The following FER1L6 variants were observed in gnomAD, a reference collection of about 807,000 sequenced individuals.
The protein encoded by FER1L6 is fer-1 like family member 6, also known as fer-1-like protein 6.
In FER1L6, 177 loss-of-function variants were observed where a neutral mutation model predicts 219.2. The ratio of observed to expected loss-of-function variants is 0.81; its 90% CI spans 0.71 to 0.91. The LOEUF (loss-of-function observed/expected upper bound fraction) is 0.91. Ranked by LOEUF, FER1L6 falls within the 40% of genes least tolerant of loss-of-function variation. The probability of loss-of-function intolerance (pLI) is 0.00; values close to 1 mark genes in which losing one functional copy is unlikely to be tolerated. For missense variants in FER1L6, 2,153 were observed against 2,259.9 expected, an observed-to-expected ratio of 0.95 and a Z score of 0.96; for synonymous variants, 768 against 824.3, an observed-to-expected ratio of 0.93 and a Z score of 1.17.
intron 21 of FER1L6, 111 bp from the exon 22 acceptor site, chr8:124,049,496 G>A (rs967899371): frequency 8.1e-7 from 1 of 1,238,156 alleles, no homozygotes; most frequent in South Asian, 1.4e-5. Context: ...AGTGAGACAT[G>A]GAAGCTGATG....
rs755625470 is a variant in FER1L6 at position 123,980,701 on chromosome 8, T to A, written c.1300T>A (p.Ser434Thr). ...LPSKDKDSKS[S>T]KGKDKADKTE... ...TTCCAAGGACAAAGACTCCAAATCT[T>A]CCAAAGGTAAAGACAAGGCTGACAA... The change falls in exon 11 of 41, where the codon TCC becomes ACC. Residue 434 changes from serine to threonine, a missense_variant. Transcript: ENST00000522917. 1 of 1,614,050 alleles carries A rather than the reference T, an allele frequency of 6.2e-7. No homozygotes were observed. Among genetic ancestry groups the A allele is most frequent in the Non-Finnish European group, 8.5e-7 (1 of 1,180,000 alleles).
intron 1 of FER1L6, among the ~76,000 whole-genome samples, chr8:123,943,405 G>A (rs1462616830): frequency 2.0e-5 from 3 of 152,106 alleles, no homozygotes; most frequent in African/African-American, 2.4e-5. Context: ...GAGCTTCTGT[G>A]TTTGCTGATC....
rs531587747 is a variant in FER1L6 at position 124,082,518 on chromosome 8, T to G, written c.4391+60T>G. The stretch of plus-strand genomic sequence containing the variant: ...CTGAAGCTGTTGTAGCCTTTAGGGC[T>G]CCAGACTCTGCATCCCAGTTGTCCA... On this transcript the variant is annotated intron_variant, in intron 33 of 40. Coordinates refer to ENST00000522917, the MANE Select transcript of FER1L6 (RefSeq NM_001039112.2). 8 of 1,490,208 alleles carry G rather than the reference T, an allele frequency of 5.4e-6. No homozygotes were observed. The African/African-American group carries it at 8.3e-5, about 15-fold the overall frequency. The allele number at this position is 1,490,208 out of a possible 1,614,324, so 92.3% of individuals were successfully genotyped here. A position where few individuals can be genotyped will look rare whatever the true frequency, so the allele number is the denominator to read the frequency against.
intron 23 of FER1L6, 108 bp downstream of exon 23, chr8:124,060,398 G>T (rs1304691766): frequency 1.4e-6 from 2 of 1,428,198 alleles, no homozygotes; most frequent in African/African-American, 1.4e-5. Context: ...TAGAGAAAAA[G>T]AATGAGCCCT....
chr8:123,949,779 G>A (rs978326732), intron 1 of FER1L6, among the ~76,000 whole-genome samples: 1 of 152,192 alleles, frequency 6.6e-6, no homozygotes, highest in African/African-American at 2.4e-5. Flanking sequence ...GGGAATAAGA[G>A]CTTTGGACCT....
At chr8:124,071,472 T>C (rs746465797) in intron 30 of FER1L6, 34 bp from the exon 31 acceptor site, 7 of 1,612,720 alleles carry the variant, frequency 4.3e-6, no homozygotes, top group African/African-American at 2.7e-5. Flanking sequence ...CATATGACCA[T>C]CTCATTTCAA....
chr8:124,093,950 T>A (rs1822164360), intron 34 of FER1L6, among the ~76,000 whole-genome samples: 1 of 152,172 alleles, frequency 6.6e-6, no homozygotes, highest in Admixed American at 6.5e-5. Flanking sequence ...AAGTTCAATT[T>A]TCCTATATCA....
At chr8:123,988,077 G>T (rs556360586) in intron 12 of FER1L6, among the ~76,000 whole-genome samples, 1 of 150,302 alleles carries the variant, frequency 6.7e-6, no homozygotes, top group African/African-American at 2.5e-5. Context: ...CAGCCTGGGC[G>T]ACAGAGCGCA....
intron 1 of FER1L6, among the ~76,000 whole-genome samples, chr8:123,915,280 C>G (rs1026748878): frequency 3.3e-5 from 5 of 152,108 alleles, no homozygotes; most frequent in African/African-American, 9.7e-5. Context: ...AAAACTTTGC[C>G]TTCATGGCCA....
At chr8:123,986,262 G>T (rs1279939842) in intron 12 of FER1L6, 86 bp downstream of exon 12, 2 of 789,000 alleles carry the variant, frequency 2.5e-6, no homozygotes, top group African/African-American at 3.5e-5. Flanking sequence ...CTTACATGAA[G>T]ATAATAGCAC....
chr8:123,864,646 A>G lies in FER1L6; in HGVS notation c.-8+12461A>G, dbSNP rs1816801452. ...TCAGATGTAGATTTGGTCTTTTCAC[A>G]TAGTCCCATATTTCTTGGAGGCTTT... is the stretch of plus-strand genomic sequence containing the variant. On this transcript the variant is annotated intron_variant, in intron 1 of 40. Transcript: ENST00000522917. 4.0e-5 allele frequency among the ~76,000 whole-genome samples: 6 copies of G among 149,490 alleles called. No individual in the cohort carries two copies. In the South Asian group the frequency reaches 1.3e-3, roughly 32 times the overall value.
chr8:123,993,441 C>CAA (rs758672519), intron 12 of FER1L6, among the ~76,000 whole-genome samples: 17 of 52,182 alleles, frequency 3.3e-4, no homozygotes, highest in Middle Eastern at 9.6e-3. Context: ...GACTCCGTCT[C>CAA]AAAAAAAAAA....
intron 12 of FER1L6, among the ~76,000 whole-genome samples, chr8:123,996,481 G>C (rs955885059): frequency 3.9e-5 from 6 of 151,962 alleles, no homozygotes; most frequent in Admixed American, 2.0e-4. Flanking sequence ...CATTTACATG[G>C]AATATCCTTT....
At chr8:123,880,373 C>T (rs112633684) in intron 1 of FER1L6, among the ~76,000 whole-genome samples, 136 of 152,288 alleles carry the variant, frequency 8.9e-4, no homozygotes, top group Admixed American at 1.9e-3. Context: ...TTTATGTCCT[C>T]CGTCCACAGC....
intron 25 of FER1L6, 36 bp downstream of exon 25, chr8:124,062,068 A>G (rs746694900): frequency 1.2e-6 from 2 of 1,609,702 alleles, no homozygotes; most frequent in South Asian, 1.1e-5. Flanking sequence ...AGCTGTAACT[A>G]TAAAGTCATG....
intron 22 of FER1L6, among the ~76,000 whole-genome samples, chr8:124,053,017 G>A (rs1398654939): frequency 6.6e-6 from 1 of 152,176 alleles, no homozygotes; most frequent in Non-Finnish European, 1.5e-5. Flanking sequence ...GGCTGACTTG[G>A]GAAAATGAGA....
chr8:123,893,348 A>G (rs764855997), intron 1 of FER1L6, among the ~76,000 whole-genome samples: 9 of 152,240 alleles, frequency 5.9e-5, no homozygotes, highest in Non-Finnish European at 1.0e-4. Context: ...AATATGAAGC[A>G]GAACAGGAGT....
intron 20 of FER1L6, among the ~76,000 whole-genome samples, chr8:124,043,933 C>T (rs1443977753): frequency 1.3e-5 from 2 of 152,202 alleles, no homozygotes; most frequent in Admixed American, 1.3e-4. Context: ...AGCTATTGAG[C>T]ATCTGCTATG....
intron 1 of FER1L6, among the ~76,000 whole-genome samples, chr8:123,874,626 T>C (rs1482033671): frequency 6.6e-6 from 1 of 152,214 alleles, no homozygotes; most frequent in Non-Finnish European, 1.5e-5. Context: ...CACTCTTCTT[T>C]CTATACTTTG....
Sources: allele counts gnomAD v4.1 joint callset (sites outside exome capture counted in the v4.1 genomes callset), GRCh38; gene constraint gnomAD v4.1.1; transcripts MANE v1.5; gene names NCBI Gene and HGNC (gene_info 2026-07-23, HGNC 2026-07-21).